DCK: variants seen among roughly 807,000 people sequenced by gnomAD.
The protein encoded by DCK is deoxyadenosine kinase.
Under a neutral mutation model 38.3 loss-of-function variants are expected in DCK, and 23 were observed. That is an observed-to-expected ratio of 0.60 (90% confidence interval 0.43 to 0.85). The LOEUF is 0.85. DCK is among the 40% of genes least tolerant of loss of function. DCK has a pLI of 0.00. For missense variants in DCK, 259 were observed against 304.4 expected (o/e 0.85, Z 1.11); for synonymous variants, 108 against 100.6 (o/e 1.07, Z -0.44).
chr4:71,001,698 C>G (rs1467823527), intron 2 of DCK, among the ~76,000 whole-genome samples: 3 of 152,052 alleles, frequency 2.0e-5, no homozygotes, highest in Admixed American at 2.0e-4. Flanking sequence ...AGAGTTCTTC[C>G]TGGTTTAATC....
intron 2 of DCK, among the ~76,000 whole-genome samples, chr4:71,017,925 TA>T (rs529019445): frequency 1.6e-4 from 24 of 149,966 alleles, no homozygotes; most frequent in East Asian, 9.7e-4. Flanking sequence ...ACTTAAAGTA[TA>T]AAAAAAAAAT....
At chr4:71,024,640 G>C (rs999679933) in intron 4 of DCK, among the ~76,000 whole-genome samples, 3 of 151,876 alleles carry the variant, frequency 2.0e-5, no homozygotes, top group Admixed American at 6.6e-5. Context: ...TAAAGATTTT[G>C]TTCTTCATTA....
rs554419496 is a variant in DCK, at chr4:71,013,641, A to T, written c.208-8726A>T. ...AAGAAACGAATTTGCAACCCAGAAT[A>T]TCATATCCAGCCAAACTAAACTTCA... On this transcript the variant is annotated intron_variant, in intron 2 of 6. Transcript: ENST00000286648. Among the ~76,000 whole-genome samples, 1,311 of 152,232 alleles carry T rather than the reference A, an allele frequency of 8.6e-3. 12 individuals carry two copies. The highest frequency in any genetic ancestry group is 0.03 in the African/African-American group (1,244 of 41,550).
At chr4:71,001,171 G>T in intron 2 of DCK, among the ~76,000 whole-genome samples, 1 of 152,110 alleles carries the variant, frequency 6.6e-6, no homozygotes, top group East Asian at 1.9e-4. Flanking sequence ...TCAATACCTA[G>T]TTTATTGAGA....
rs1327188061 is a variant in DCK, at chr4:70,998,140, T to TG, written c.166dup (p.Ala56GlyfsTer12). 6.2e-7 allele frequency: 1 copy of TG among 1,606,678 alleles called. No homozygotes were observed. The highest frequency in any genetic ancestry group is 1.7e-5 in the Admixed American group (1 of 59,522). On this transcript the variant is annotated frameshift_variant, in exon 2 of 7. Transcript: ENST00000286648. LOFTEE classifies it high-confidence loss of function. ...ATTGGGAAGTGGTTCCTGAACCTGT[T>TG]GCCAGATGGTGCAATGTTCAAAGTA...
chr4:70,997,488 G>A (rs547049102), intron 1 of DCK, among the ~76,000 whole-genome samples: 27 of 151,856 alleles, frequency 1.8e-4, no homozygotes, highest in Non-Finnish European at 1.9e-4. Context: ...TTACTGCCTC[G>A]CTCCTGTTTT....
intron 2 of DCK, among the ~76,000 whole-genome samples, chr4:71,015,772 G>A (rs1019382230): frequency 3.3e-5 from 5 of 152,148 alleles, no homozygotes; most frequent in African/African-American, 1.2e-4. Flanking sequence ...AGGTATTGGT[G>A]GGATGTATCT....
At chr4:70,997,817 A>G (rs1280676553) in intron 1 of DCK, among the ~76,000 whole-genome samples, 3 of 152,250 alleles carry the variant, frequency 2.0e-5, no homozygotes, top group African/African-American at 4.8e-5. Flanking sequence ...TTCTAGGTCA[A>G]GACTGTCCCT....
chr4:71,021,213 C>A (rs1419778473), intron 2 of DCK, among the ~76,000 whole-genome samples: 2 of 151,374 alleles, frequency 1.3e-5, no homozygotes, highest in Non-Finnish European at 2.9e-5. Context: ...GTAGCTGGGA[C>A]TACAGGCGCC....
chr4:71,021,332 C>T (rs1475436543), intron 2 of DCK, among the ~76,000 whole-genome samples: 1 of 152,124 alleles, frequency 6.6e-6, no homozygotes, highest in Non-Finnish European at 1.5e-5. Context: ...GCCTCGGCCT[C>T]CCAAAGTGCT....
At chr4:71,019,191 C>T (rs1021605467) in intron 2 of DCK, among the ~76,000 whole-genome samples, 1 of 152,020 alleles carries the variant, frequency 6.6e-6, no homozygotes, top group Non-Finnish European at 1.5e-5. Flanking sequence ...AATTCTATTT[C>T]AGATTTTTGA....
At chr4:71,025,578 G>A (rs1740527847) in intron 4 of DCK, among the ~76,000 whole-genome samples, 1 of 152,060 alleles carries the variant, frequency 6.6e-6, no homozygotes, top group South Asian at 2.1e-4. Context: ...TATATTTCAT[G>A]TGTGGATGGA....
chr4:71,025,999 A>G, intron 5 of DCK, 68 bp downstream of exon 5: 1 of 1,444,110 alleles, frequency 6.9e-7, no homozygotes, highest in Non-Finnish European at 9.1e-7. Flanking sequence ...TTTAATCTAA[A>G]ATTTGGAAGA....
intron 2 of DCK, among the ~76,000 whole-genome samples, chr4:71,017,254 G>A (rs1228012854): frequency 6.6e-6 from 1 of 152,164 alleles, no homozygotes; most frequent in Non-Finnish European, 1.5e-5. Flanking sequence ...CAGTTAGAAT[G>A]GTGATCATTA....
At chr4:71,026,552 G>A (rs1285201296) in intron 5 of DCK, 113 bp from the exon 6 acceptor site, 1 of 673,378 alleles carries the variant, frequency 1.5e-6, no homozygotes, top group African/African-American at 1.9e-5. Context: ...TAACTTTAGT[G>A]TAAATGATTG....
At chr4:71,012,991 A>G (rs1419692405) in intron 2 of DCK, among the ~76,000 whole-genome samples, 2 of 152,324 alleles carry the variant, frequency 1.3e-5, no homozygotes, top group South Asian at 2.1e-4. Context: ...GTTCGAACCC[A>G]TGGCAAAGAA....
intron 2 of DCK, among the ~76,000 whole-genome samples, chr4:71,009,107 C>A (rs1042647200): frequency 6.6e-6 from 1 of 152,084 alleles, no homozygotes; most frequent in Non-Finnish European, 1.5e-5. Flanking sequence ...CTGAATGATT[C>A]GATTACTGCA....
intron 2 of DCK, among the ~76,000 whole-genome samples, chr4:71,000,064 T>G (rs1408083257): frequency 6.6e-6 from 1 of 152,228 alleles, no homozygotes; most frequent in African/African-American, 2.4e-5. Context: ...TTGTTAACAC[T>G]GCTTTTGGTG....
At chr4:71,026,450 C>A (rs1327831458) in intron 5 of DCK, among the ~76,000 whole-genome samples, 1 of 151,986 alleles carries the variant, frequency 6.6e-6, no homozygotes, top group African/African-American at 2.4e-5. Context: ...TGTTACAGTA[C>A]CCAGCTGTAT....
Sources: allele counts gnomAD v4.1 joint callset (sites outside exome capture counted in the v4.1 genomes callset), GRCh38; gene constraint gnomAD v4.1.1; transcripts MANE v1.5; gene names NCBI Gene and HGNC (gene_info 2026-07-23, HGNC 2026-07-21).